Variants in STAT3 observed in about 807,000 individuals in gnomAD.
STAT3 encodes the protein signal transducer and activator of transcription 3, also known as DNA-binding protein APRF.
STAT3 carries 7 observed loss-of-function variants against 114.3 expected under a neutral mutation model. The observed-to-expected ratio is 0.06, with a 90% CI of 0.03 to 0.11. The LOEUF is 0.11. Among genes scored for constraint, STAT3 ranks in the 10% least tolerant of loss-of-function variants. STAT3 has a pLI of 1.00. For synonymous variants in STAT3, 331 were observed against 354.5 expected, an observed-to-expected ratio of 0.93 and a Z score of 0.74; for missense variants, 364 against 960.9, an observed-to-expected ratio of 0.38 and a Z score of 8.21.
In STAT3 at chr17:42,388,423, C is replaced by T; in HGVS notation, c.-168G>A. ...GTGCCTGTCCAGGATCCGGTTGGGG[C>T]TTGTTCCCTCGGCTGCGACGTCGGA... is the stretch of plus-strand genomic sequence containing the variant. On this transcript the variant is annotated 5_prime_UTR_variant, in exon 1 of 24. Coordinates refer to ENST00000264657, the MANE Select transcript of STAT3 (RefSeq NM_139276.3). The T allele has an allele frequency of 1.6e-6, 2 of 1,231,864 alleles. No homozygotes were observed. Among genetic ancestry groups the T allele is most frequent in the Non-Finnish European group, 1.0e-6 (1 of 988,050 alleles). The allele number at this position is 1,231,864 out of a possible 1,614,324, so 76.3% of individuals were successfully genotyped here.
intron 1 of STAT3, among the ~76,000 whole-genome samples, chr17:42,378,274 G>GA (rs2084582485): frequency 7.0e-6 from 1 of 142,526 alleles, no homozygotes; most frequent in Non-Finnish European, 1.5e-5. Flanking sequence ...GTTTGAGACG[G>GA]AGTCTCTGTT....
chr17:42,345,821 G>GC (rs982739130), intron 3 of STAT3, among the ~76,000 whole-genome samples, 164 bp from the exon 4 acceptor site: 6 of 151,302 alleles, frequency 4.0e-5, no homozygotes, highest in African/African-American at 1.5e-4. Flanking sequence ...TGTCGGCGGG[G>GC]GGCGAAGGGG....
chr17:42,387,381 C>A (rs1190203054), intron 1 of STAT3: 2 of 152,184 alleles, frequency 1.3e-5, no homozygotes, highest in Non-Finnish European at 2.9e-5. Context: ...CTCTCCTCTG[C>A]ATTTACCCAA....
chr17:42,379,558 C>T (rs2084661350), intron 1 of STAT3, among the ~76,000 whole-genome samples: 1 of 152,206 alleles, frequency 6.6e-6, no homozygotes, highest in Admixed American at 6.5e-5. Flanking sequence ...GGGATGCCTC[C>T]TCACTCCCAC....
At chr17:42,359,928 C>T (rs12602466) in intron 1 of STAT3, among the ~76,000 whole-genome samples, 24,527 of 151,686 alleles carry the variant, frequency 0.16, 2,355 homozygotes, top group East Asian at 0.39. Flanking sequence ...GGTGTAGTGG[C>T]GGGCACCTGC....
chr17:42,387,954 A>C, intron 1 of STAT3: 1 of 261,660 alleles, frequency 3.8e-6, no homozygotes, highest in Non-Finnish European at 7.2e-6. Context: ...GAACGTCCCC[A>C]GGGCCCCAGG....
In STAT3 at chr17:42,324,968, G is replaced by A. The variant is rs199996352; in HGVS notation, c.1459C>T (p.Pro487Ser). The change falls in exon 16 of 24, where the codon CCC becomes TCC. Residue 487 changes from proline (P) to serine (S), a missense_variant. Transcript: ENST00000264657. This position sits in a 1 kb window ranked among gnomAD's most constrained non-coding sequence, Gnocchi z 4.5. ...ILWYNMLTNN[P>S]KNVNFFTKPP... ...TAAAAGGAGGGGGCACTAACCTTGG[G>A]ATTGTTGGTCAGCATGTTGTACCAC... The A allele has an allele frequency of 6.2e-7, 1 of 1,614,210 alleles. No individual in the cohort carries two copies. The highest frequency in any genetic ancestry group is 2.2e-5 in the East Asian group (1 of 44,888).
At chr17:42,373,729 C>G (rs1484518982) in intron 1 of STAT3, among the ~76,000 whole-genome samples, 1 of 150,922 alleles carries the variant, frequency 6.6e-6, no homozygotes, top group African/African-American at 2.4e-5. Flanking sequence ...ACTAAAAATA[C>G]AAAAAATTAG....
intron 3 of STAT3, 149 bp from the exon 4 acceptor site, chr17:42,345,806 C>T: frequency 3.8e-6 from 3 of 796,504 alleles, no homozygotes; most frequent in South Asian, 3.0e-5. Flanking sequence ...TGGGTGAAGG[C>T]TCTCTGTCGG....
At chr17:42,353,262 T>C (rs1288363374) in intron 1 of STAT3, among the ~76,000 whole-genome samples, 6 of 150,482 alleles carry the variant, frequency 4.0e-5, no homozygotes, top group Non-Finnish European at 8.9e-5. Context: ...GCAGGAGAAT[T>C]GCTTGAACCC....
intron 3 of STAT3, 104 bp from the exon 4 acceptor site, chr17:42,345,761 A>G (rs1197790757): frequency 2.2e-5 from 25 of 1,136,368 alleles, no homozygotes; most frequent in Middle Eastern, 2.6e-4. Flanking sequence ...GAAAGCATTT[A>G]TTCTAGGAAA....
intron 1 of STAT3, among the ~76,000 whole-genome samples, chr17:42,361,608 G>T (rs1021225437): frequency 6.6e-6 from 1 of 152,076 alleles, no homozygotes. Flanking sequence ...GCTCAACTCT[G>T]AATACGCCTC....
chr17:42,356,588 C>A (rs915575893), intron 1 of STAT3, among the ~76,000 whole-genome samples: 1 of 143,262 alleles, frequency 7.0e-6, no homozygotes, highest in Non-Finnish European at 1.5e-5. Context: ...GCTGCATATT[C>A]TTTTAAAGTT....
chr17:42,324,862 C>T lies in STAT3; in HGVS notation c.1465-16G>A, dbSNP rs189319171. 2.5e-5 allele frequency: 40 copies of T among 1,614,138 alleles called. No homozygotes were observed. In the Admixed American group the frequency reaches 5.7e-4, roughly 23 times the overall value. Reference sequence around the variant, plus strand: ...AGTTTACATTCTATTGGAAAGAACACATTTGCTTGTTTAGATGAGGGATGG... The same window carrying T: ...AGTTTACATTCTATTGGAAAGAACATATTTGCTTGTTTAGATGAGGGATGG... On this transcript the variant is annotated splice_polypyrimidine_tract_variant and intron_variant, in intron 16 of 23. Transcript: ENST00000264657. The surrounding 1 kb of genome is among the most constrained non-coding windows in gnomAD (Gnocchi z 4.5).
intron 15 of STAT3, among the ~76,000 whole-genome samples, chr17:42,325,396 A>G (rs2081661409): frequency 6.6e-6 from 1 of 152,172 alleles, no homozygotes; most frequent in Non-Finnish European, 1.5e-5. Flanking sequence ...TTCACATGAA[A>G]CAGGGAGGTC....
intron 1 of STAT3, among the ~76,000 whole-genome samples, chr17:42,351,883 C>A (rs1248384373): frequency 6.6e-6 from 1 of 152,022 alleles, no homozygotes; most frequent in African/African-American, 2.4e-5. Flanking sequence ...CTCAGCCTCC[C>A]AAGTAGCTGG....
chr17:42,327,518 G>A (rs1021637227), intron 14 of STAT3, among the ~76,000 whole-genome samples: 3 of 152,102 alleles, frequency 2.0e-5, no homozygotes, highest in African/African-American at 2.4e-5. Flanking sequence ...TAATGTTGAT[G>A]GGTATTTATT....
At chr17:42,329,078 C>T (rs1003094845) in intron 14 of STAT3, among the ~76,000 whole-genome samples, 2 of 152,144 alleles carry the variant, frequency 1.3e-5, no homozygotes, top group African/African-American at 2.4e-5. Flanking sequence ...CAGGGTCAGC[C>T]GCAGGAGCTG....
chr17:42,330,425 CTT>C (rs1296286958), intron 11 of STAT3, among the ~76,000 whole-genome samples: 3 of 135,436 alleles, frequency 2.2e-5, no homozygotes, highest in Non-Finnish European at 3.2e-5. Flanking sequence ...CACATTTTCT[CTT>C]TTCTTTTCTT....
Sources: allele counts gnomAD v4.1 joint callset (sites outside exome capture counted in the v4.1 genomes callset), GRCh38; gene constraint gnomAD v4.1.1; non-coding constraint Gnocchi (gnomAD v3.1); transcripts MANE v1.5; gene names NCBI Gene and HGNC (gene_info 2026-07-23, HGNC 2026-07-21).